GUCD1: variants seen among roughly 807,000 people sequenced by gnomAD.
GUCD1 encodes the protein guanylyl cyclase domain containing 1, also known as protein GUCD1.
A neutral mutation model predicts 28.3 loss-of-function variants in GUCD1; 17 were observed. The ratio of observed to expected loss-of-function variants is 0.60; its 90% CI spans 0.41 to 0.90. The LOEUF (loss-of-function observed/expected upper bound fraction) is 0.90. Ranked by LOEUF, GUCD1 falls within the 40% of genes least tolerant of loss-of-function variation. The pLI is 0.00. For missense variants in GUCD1, 279 were observed against 305.5 expected (o/e 0.91, Z 0.65); for synonymous variants, 129 against 123.3 (o/e 1.05, Z -0.30).
chr22:24,555,289 GC>G, upstream of GUCD1: 2 of 1,391,770 alleles, frequency 1.4e-6, no homozygotes, highest in Non-Finnish European at 9.3e-7. Flanking sequence ...GCGTTGAGTG[GC>G]CCCACCCTCT....
At chr22:24,553,279 C>T (rs1300054766) in intron 1 of GUCD1, among the ~76,000 whole-genome samples, 2 of 152,234 alleles carry the variant, frequency 1.3e-5, no homozygotes, top group South Asian at 2.1e-4. Flanking sequence ...TTGGGCCACA[C>T]ATAAACTACA....
Position 24,541,571 on chromosome 22 carries a change from G to C in GUCD1, c.*1435C>G, listed in dbSNP as rs1364870509. On this transcript the variant is annotated 3_prime_UTR_variant, in exon 6 of 6. Coordinates refer to ENST00000435822, the MANE Select transcript of GUCD1 (RefSeq NM_001284254.2). ...TTGAACCCAGGAGGCGGAGGTTGTA[G>C]TAAGCCAAGATCGTGCCACTGCACT... The C allele has an allele frequency of 6.6e-6, 1 of 150,506 alleles. No homozygotes were observed. Among genetic ancestry groups the C allele is most frequent in the East Asian group, 2.0e-4 (1 of 5,126 alleles). 9.3% of individuals were successfully genotyped at this position (150,506 alleles called of 1,614,324 possible).
upstream of GUCD1, chr22:24,555,165 C>A: frequency 7.7e-7 from 1 of 1,298,906 alleles, no homozygotes. Flanking sequence ...CGCCCCAGCC[C>A]TTCCAGGTCT....
Position 24,541,436 on chromosome 22 carries a change from T to A in GUCD1, c.*1570A>T, listed in dbSNP as rs1028765414. The A allele has an allele frequency of 6.6e-6, 1 of 152,266 alleles. No individual in the cohort carries two copies. The highest frequency in any genetic ancestry group is 1.5e-5 in the Non-Finnish European group (1 of 68,078). The allele number at this position is 152,266 out of a possible 1,614,324, so 9.4% of individuals were successfully genotyped here. A position where few individuals can be genotyped will look rare whatever the true frequency, so the allele number is the denominator to read the frequency against. ...TGAGCTCAGGGGTTCGAGACCAGCC[T>A]GGCCAACATGGCGAAGCCTGGTCTC... On this transcript the variant is annotated 3_prime_UTR_variant, in exon 6 of 6. Transcript: ENST00000435822.
At chr22:24,554,844 G>A in intron 1 of GUCD1, 105 bp downstream of exon 1, 2 of 831,440 alleles carry the variant, frequency 2.4e-6, no homozygotes, top group Admixed American at 2.5e-5. Flanking sequence ...GTGTGGGGGC[G>A]AGGCGGGAGT....
rs1484790493 is a variant in GUCD1 at position 24,543,837 on chromosome 22, C to T, written c.628+5G>A. 6.2e-7 allele frequency: 1 copy of T among 1,613,590 alleles called. No homozygotes were observed. The highest frequency in any genetic ancestry group is 2.2e-5 in the East Asian group (1 of 44,862). On this transcript the variant is annotated splice_donor_5th_base_variant and intron_variant, in intron 5 of 5. Coordinates refer to ENST00000435822, the MANE Select transcript of GUCD1 (RefSeq NM_001284254.2). ...TCTGCCTCACCCACCCCACCCAGCA[C>T]TCACGGTCGGCATAGGCTGGGTTGT...
chr22:24,550,560 A>T (rs1452609449), intron 1 of GUCD1, among the ~76,000 whole-genome samples: 1 of 152,150 alleles, frequency 6.6e-6, no homozygotes, highest in African/African-American at 2.4e-5. Context: ...CCTTGCCCAC[A>T]TTGTTTCCCC....
intron 4 of GUCD1, among the ~76,000 whole-genome samples, chr22:24,544,749 C>T (rs1035931222): frequency 2.6e-5 from 4 of 152,198 alleles, no homozygotes; most frequent in African/African-American, 9.7e-5. Context: ...CAGTGGCTCA[C>T]ACCTGTAATC....
chr22:24,548,176 C>G (rs1264304277), intron 2 of GUCD1, 103 bp from the exon 3 acceptor site: 1 of 945,286 alleles, frequency 1.1e-6, no homozygotes, highest in African/African-American at 1.6e-5. Flanking sequence ...GGTCCCATTC[C>G]CCAGAAGTCT....
intron 1 of GUCD1, among the ~76,000 whole-genome samples, chr22:24,554,331 C>G (rs1370816057): frequency 6.6e-6 from 1 of 152,240 alleles, no homozygotes; most frequent in African/African-American, 2.4e-5. Flanking sequence ...CTGGGAGTGA[C>G]ACCTGAAGGT....
At chr22:24,552,723 T>G (rs2044913154) in intron 1 of GUCD1, among the ~76,000 whole-genome samples, 1 of 151,244 alleles carries the variant, frequency 6.6e-6, no homozygotes, top group Middle Eastern at 3.4e-3. Flanking sequence ...TGAGCCAAAA[T>G]TACGCCACTG....
At chr22:24,543,539 G>C (rs1293299236) in intron 5 of GUCD1, among the ~76,000 whole-genome samples, 1 of 152,160 alleles carries the variant, frequency 6.6e-6, no homozygotes, top group African/African-American at 2.4e-5. Context: ...GTTGGGGGAG[G>C]GGTGCAGCCT....
At chr22:24,553,006 G>A (rs368931864) in intron 1 of GUCD1, among the ~76,000 whole-genome samples, 4 of 152,034 alleles carry the variant, frequency 2.6e-5, no homozygotes, top group Admixed American at 6.6e-5. Context: ...CTAGGCTCTG[G>A]GGACACAAAG....
rs752011313 is a variant in GUCD1, at chr22:24,549,970, A to G, written c.44-969T>C. On this transcript the variant is annotated intron_variant, in intron 1 of 5. Coordinates refer to ENST00000435822, the MANE Select transcript of GUCD1 (RefSeq NM_001284254.2). ...CAGGGTGTGAGACCATGGCCAGGAGAAGGGAACTGTCACGTAAGCTATGAA... is the reference window on the plus strand; with the variant it reads ...CAGGGTGTGAGACCATGGCCAGGAGGAGGGAACTGTCACGTAAGCTATGAA... 9.5e-4 allele frequency among the ~76,000 whole-genome samples: 144 copies of G among 152,288 alleles called. 1 individual carries two copies. Among genetic ancestry groups the G allele is most frequent in the Admixed American group, 3.3e-3 (50 of 15,296 alleles).
Position 24,541,196 on chromosome 22 carries a change from A to G in GUCD1, c.*1810T>C, listed in dbSNP as rs1314596158. On this transcript the variant is annotated 3_prime_UTR_variant, in exon 6 of 6. Coordinates refer to ENST00000435822, the MANE Select transcript of GUCD1 (RefSeq NM_001284254.2). ...AGGCTTTGTCTAGGGTTGAGAAGCA[A>G]TTTGGCTGGGTGGTCTCACTGCCCT... 1.2e-5 allele frequency: 2 copies of G among 163,684 alleles called. No homozygotes were observed. The highest frequency in any genetic ancestry group is 2.4e-5 in the African/African-American group (1 of 41,508). The allele number at this position is 163,684 out of a possible 1,614,324, so 10.1% of individuals were successfully genotyped here. A position where few individuals can be genotyped will look rare whatever the true frequency, so the allele number is the denominator to read the frequency against.
intron 1 of GUCD1, among the ~76,000 whole-genome samples, chr22:24,550,650 G>A (rs9624495): frequency 3.2e-4 from 48 of 152,194 alleles, no homozygotes; most frequent in African/African-American, 9.9e-4. Context: ...GCCAGCCCCA[G>A]TTCCCCTCAC....
chr22:24,555,368 G>A, upstream of GUCD1: 1 of 1,162,416 alleles, frequency 8.6e-7, no homozygotes, highest in Non-Finnish European at 1.1e-6. Context: ...CCCTTTCTTT[G>A]AGCCCCGCCC....
chr22:24,555,418 G>C (rs1298939288), upstream of GUCD1: 4 of 1,181,190 alleles, frequency 3.4e-6, no homozygotes, highest in South Asian at 3.4e-5. Flanking sequence ...TCGTCCCTTC[G>C]GCAAGCCCCG....
intron 1 of GUCD1, among the ~76,000 whole-genome samples, chr22:24,550,870 G>C (rs2044853517): frequency 6.6e-6 from 1 of 152,202 alleles, no homozygotes; most frequent in African/African-American, 2.4e-5. Flanking sequence ...CTCTGGGCTT[G>C]AGTTCACACT....
Sources: allele counts gnomAD v4.1 joint callset (sites outside exome capture counted in the v4.1 genomes callset), GRCh38; gene constraint gnomAD v4.1.1; transcripts MANE v1.5; gene names NCBI Gene and HGNC (gene_info 2026-07-23, HGNC 2026-07-21).